The following EEF2K variants were observed in gnomAD, a reference collection of about 807,000 sequenced individuals.
EEF2K encodes the protein eukaryotic elongation factor 2 kinase.
In EEF2K, 70 loss-of-function variants were observed where a neutral mutation model predicts 93.8. The observed-to-expected ratio is 0.75, with a 90% confidence interval of 0.62 to 0.91. EEF2K has a LOEUF of 0.91. Ranked by LOEUF, EEF2K falls within the 40% of genes least tolerant of loss-of-function variation. The pLI, the probability that EEF2K is intolerant of heterozygous loss-of-function variation, is 0.00. For synonymous variants in EEF2K, 376 were observed against 380.8 expected (o/e 0.99, Z 0.15); for missense variants, 935 against 972.9 (o/e 0.96, Z 0.52).
At chr16:22,264,063 G>T (rs1010389247) in intron 12 of EEF2K, among the ~76,000 whole-genome samples, 2 of 152,070 alleles carry the variant, frequency 1.3e-5, no homozygotes, top group Non-Finnish European at 2.9e-5. Context: ...GGAGGCCGGG[G>T]CAGGCAGATC....
chr16:22,285,210 G>T lies in EEF2K; in HGVS notation c.*1214G>T, dbSNP rs1395235658. Reference sequence around the variant, plus strand: ...GCAGCTCCCACAACGTGACTGCAATGTCTCTTATACAGTATTCCTTGGTGT... The same window carrying T: ...GCAGCTCCCACAACGTGACTGCAATTTCTCTTATACAGTATTCCTTGGTGT... On this transcript the variant is annotated 3_prime_UTR_variant, in exon 18 of 18. Coordinates refer to ENST00000263026, the MANE Select transcript of EEF2K (RefSeq NM_013302.5). The T allele has an allele frequency of 6.6e-6, 1 of 152,326 alleles. No homozygotes were observed. Among genetic ancestry groups the T allele is most frequent in the Non-Finnish European group, 1.5e-5 (1 of 68,040 alleles). The allele number at this position is 152,326 out of a possible 1,614,324, so 9.4% of individuals were successfully genotyped here.
At chr16:22,229,976 G>T (rs944952611) in intron 2 of EEF2K, among the ~76,000 whole-genome samples, 1 of 152,158 alleles carries the variant, frequency 6.6e-6, no homozygotes, top group Non-Finnish European at 1.5e-5. Context: ...TAGAGTTCTA[G>T]CTGGAGTTAC....
At chr16:22,206,998 G>C (rs971581422) in intron 1 of EEF2K, among the ~76,000 whole-genome samples, 1 of 152,174 alleles carries the variant, frequency 6.6e-6, no homozygotes, top group Non-Finnish European at 1.5e-5. Context: ...GGGGCCCCTA[G>C]AGTGTGGGCG....
Position 22,266,837 on chromosome 16 carries a change from G to T in EEF2K, c.1725G>T (p.Ser575=), listed in dbSNP as rs150007908. Reference sequence around the variant, plus strand: ...TCGTGGGCCTGGGACTCATGTACTCGCAGTTGCCTCATCACATCCTAGCCG... The same window carrying T: ...TCGTGGGCCTGGGACTCATGTACTCTCAGTTGCCTCATCACATCCTAGCCG... ...EAIVGLGLMY[S]QLPHHILADV... is the part of the protein sequence containing the mutation. The change falls in exon 15 of 18, where the codon TCG becomes TCT. Residue 575 remains serine (S), a synonymous_variant. Transcript: ENST00000263026. The T allele has an allele frequency of 2.7e-5, 43 of 1,613,572 alleles. No homozygotes were observed. In the African/African-American group the frequency reaches 5.1e-4, roughly 19 times the overall value.
At chr16:22,239,760 G>A (rs8053617) in intron 2 of EEF2K, among the ~76,000 whole-genome samples, 57,796 of 152,048 alleles carry the variant, frequency 0.38, 12,323 homozygotes, top group East Asian at 0.87. Flanking sequence ...GCGGTGAGCT[G>A]TGATCATGCC....
intron 2 of EEF2K, among the ~76,000 whole-genome samples, chr16:22,227,001 G>C (rs1212235176): frequency 1.3e-5 from 2 of 152,054 alleles, no homozygotes; most frequent in African/African-American, 4.8e-5. Context: ...GAGTTCTAGA[G>C]CAGCCTGGCC....
chr16:22,233,060 C>A (rs1056678159), intron 2 of EEF2K, among the ~76,000 whole-genome samples: 1 of 152,198 alleles, frequency 6.6e-6, no homozygotes, highest in Non-Finnish European at 1.5e-5. Flanking sequence ...CAGAACCATT[C>A]AGGGGGCCGC....
intron 1 of EEF2K, among the ~76,000 whole-genome samples, chr16:22,224,519 C>T (rs1449898663): frequency 6.6e-6 from 1 of 151,798 alleles, no homozygotes; most frequent in African/African-American, 2.4e-5. Flanking sequence ...GTGATCCTAG[C>T]TACTTGGGAG....
chr16:22,246,320 G>A (rs939553986), intron 3 of EEF2K, among the ~76,000 whole-genome samples: 1 of 151,742 alleles, frequency 6.6e-6, no homozygotes, highest in Admixed American at 6.6e-5. Flanking sequence ...TCAGGAGTTC[G>A]AGACCAGCCT....
Position 22,275,328 on chromosome 16 carries a change from T to A in EEF2K, c.1889+1578T>A, listed in dbSNP as rs993720392. Among the ~76,000 whole-genome samples, 23 of 151,362 alleles carry A rather than the reference T, an allele frequency of 1.5e-4. 1 individual carries two copies. Among genetic ancestry groups the A allele is most frequent in the Non-Finnish European group, 2.1e-4 (14 of 67,808 alleles). ...CTCTTTATTTTTTATTTTTATTTTTTAATTATTATTATTTATTTATTTATT... is the reference window on the plus strand; with the variant it reads ...CTCTTTATTTTTTATTTTTATTTTTAAATTATTATTATTTATTTATTTATT... On this transcript the variant is annotated intron_variant, in intron 16 of 17. Transcript: ENST00000263026.
Position 22,257,733 on chromosome 16 carries a change from G to A in EEF2K, c.992G>A (p.Arg331Gln), listed in dbSNP as rs201425454. ...MGLAPFDLSP[R>Q]ERDAVNQNTK... Reference sequence around the variant, plus strand: ...CTTGCTCCCTTTGACCTCTCGCCCCGGGAGAGGGATGCAGTGAATCAGAAC... The same window carrying A: ...CTTGCTCCCTTTGACCTCTCGCCCCAGGAGAGGGATGCAGTGAATCAGAAC... Residue 331 changes from arginine (R) to glutamine (Q), a missense_variant, in exon 9 of 18, where the codon CGG becomes CAG. By Grantham distance (43) the Arg-to-Gln change is conservative. Transcript: ENST00000263026. The A allele has an allele frequency of 3.0e-5, 49 of 1,613,928 alleles. No homozygotes were observed. The highest frequency in any genetic ancestry group is 1.2e-4 in the Admixed American group (7 of 60,018).
chr16:22,280,305 T>C lies in EEF2K; in HGVS notation c.1997T>C (p.Met666Thr). 1 of 1,608,888 alleles carries C rather than the reference T, an allele frequency of 6.2e-7. No homozygotes were observed. Among genetic ancestry groups the C allele is most frequent in the Non-Finnish European group, 8.5e-7 (1 of 1,177,730 alleles). ...GGAATGCAGGACGAGCCCCGGTACA[T>C]GATGCTGGCCAGGGAGGCCGAGATG... ...YDGMQDEPRY[M>T]MLAREAEMLF... Residue 666 changes from methionine (M) to threonine (T), a missense_variant, in exon 17 of 18, where the codon ATG (methionine) becomes ACG (threonine). Physicochemically the swap from Met to Thr is moderately conservative, Grantham distance 81. Transcript: ENST00000263026.
chr16:22,228,641 A>G (rs1480638883), intron 2 of EEF2K, among the ~76,000 whole-genome samples: 1 of 152,242 alleles, frequency 6.6e-6, no homozygotes, highest in East Asian at 1.9e-4. Flanking sequence ...ATGTCGTTTG[A>G]GGAGGGAAAA....
chr16:22,258,885 C>T (rs1218659578), intron 10 of EEF2K, 190 bp downstream of exon 10: 7 of 637,068 alleles, frequency 1.1e-5, no homozygotes, highest in East Asian at 3.0e-5. Context: ...AAAAACAACC[C>T]CTATTGTAGG....
At chr16:22,229,466 G>A (rs574903158) in intron 2 of EEF2K, among the ~76,000 whole-genome samples, 3 of 152,150 alleles carry the variant, frequency 2.0e-5, no homozygotes, top group Non-Finnish European at 4.4e-5. Context: ...TGTAATCCCA[G>A]CACGGGCAGG....
At chr16:22,257,105 C>A (rs2047409267) in intron 7 of EEF2K, 148 bp from the exon 8 acceptor site, 2 of 1,425,012 alleles carry the variant, frequency 1.4e-6, no homozygotes, top group East Asian at 2.3e-5. Context: ...AAGGTCCCTG[C>A]CCAACTGAAG....
intron 2 of EEF2K, among the ~76,000 whole-genome samples, chr16:22,230,673 C>T (rs955617663): frequency 6.6e-6 from 1 of 152,116 alleles, no homozygotes; most frequent in Non-Finnish European, 1.5e-5. Context: ...AGGTACATGC[C>T]ACCATGCCTA....
rs538079675 is a variant in EEF2K, at chr16:22,244,843, A to G, written c.347+113A>G. 5.7e-6 allele frequency: 6 copies of G among 1,056,578 alleles called. No homozygotes were observed. In the East Asian group the frequency reaches 1.6e-4, roughly 27 times the overall value. 65.5% of individuals were successfully genotyped at this position (1,056,578 alleles called of 1,614,324 possible). On this transcript the variant is annotated intron_variant, in intron 3 of 17. Coordinates refer to ENST00000263026, the MANE Select transcript of EEF2K (RefSeq NM_013302.5). ...GGGTCAGGGGAAGGGAGTAATCATA[A>G]CAGCAGCTAATATTGGCATGCTAAT... is the stretch of plus-strand genomic sequence containing the variant.
chr16:22,257,553 C>T lies in EEF2K; in HGVS notation c.902-90C>T, dbSNP rs1438247787. On this transcript the variant is annotated intron_variant, in intron 8 of 17. Coordinates refer to ENST00000263026, the MANE Select transcript of EEF2K (RefSeq NM_013302.5). ...GCCTCCCAGCTTGGCACGTTTTATA[C>T]CTGCCCTGGCCATATGTATGAGGCC... The T allele has an allele frequency of 3.2e-6, 5 of 1,563,636 alleles. No homozygotes were observed. In the East Asian group the frequency reaches 6.7e-5, roughly 21 times the overall value.
Sources: allele counts gnomAD v4.1 joint callset (sites outside exome capture counted in the v4.1 genomes callset), GRCh38; gene constraint gnomAD v4.1.1; transcripts MANE v1.5; gene names NCBI Gene and HGNC (gene_info 2026-07-23, HGNC 2026-07-21).